SEMA3D: variants seen among roughly 807,000 people sequenced by gnomAD.
SEMA3D encodes the protein semaphorin 3D, also known as semaphorin-3D.
Under a neutral mutation model 100.1 loss-of-function variants are expected in SEMA3D, and 84 were observed. The ratio of observed to expected loss-of-function variants is 0.84; its 90% CI spans 0.70 to 1.01. The LOEUF is 1.01. Among genes scored for constraint, SEMA3D ranks in the 50% least tolerant of loss-of-function variants. The probability of loss-of-function intolerance (pLI) is 0.00; values close to 1 mark genes in which losing one functional copy is unlikely to be tolerated. For synonymous variants in SEMA3D, 312 were observed against 320.7 expected, an observed-to-expected ratio of 0.97 and a Z score of 0.29; for missense variants, 875 against 934.1, an observed-to-expected ratio of 0.94 and a Z score of 0.82.
intron 9 of SEMA3D, among the ~76,000 whole-genome samples, chr7:85,049,296 G>A (rs1583870290): frequency 6.6e-6 from 1 of 151,572 alleles, no homozygotes; most frequent in East Asian, 1.9e-4. Flanking sequence ...ATTTAGAGAC[G>A]ACTATTTGTG....
At chr7:85,145,716 T>C (rs1178669665) in intron 2 of SEMA3D, among the ~76,000 whole-genome samples, 1 of 152,118 alleles carries the variant, frequency 6.6e-6, no homozygotes, top group East Asian at 1.9e-4. Flanking sequence ...TATTCTCAAA[T>C]ACAAAAGTTT....
At chr7:85,221,198 C>T in the SEMA3D span, among the ~76,000 whole-genome samples, 1 of 151,752 alleles carries the variant, frequency 6.6e-6, no homozygotes, top group Non-Finnish European at 1.5e-5. Context: ...CAGTGTTTGC[C>T]TAAACAAGGG....
At chr7:85,147,299 G>A (rs1314863661) in intron 2 of SEMA3D, among the ~76,000 whole-genome samples, 1 of 151,220 alleles carries the variant, frequency 6.6e-6, no homozygotes, top group Non-Finnish European at 1.5e-5. Flanking sequence ...ACAGGTTTTC[G>A]CCATGTGGGC....
At chr7:85,164,404 A>C in intron 1 of SEMA3D, among the ~76,000 whole-genome samples, 1 of 152,154 alleles carries the variant, frequency 6.6e-6, no homozygotes, top group East Asian at 1.9e-4. Context: ...AATTTCTTAA[A>C]ATCTAAGCAG....
At chr7:85,106,229 T>G (rs1481623678) in intron 3 of SEMA3D, among the ~76,000 whole-genome samples, 2 of 152,080 alleles carry the variant, frequency 1.3e-5, no homozygotes, top group Non-Finnish European at 2.9e-5. Flanking sequence ...GCTTCATAGC[T>G]TCCTTCAAGT....
chr7:85,048,435 A>T (rs144188120), intron 9 of SEMA3D, among the ~76,000 whole-genome samples: 3 of 151,856 alleles, frequency 2.0e-5, no homozygotes, highest in African/African-American at 7.2e-5. Context: ...TGACCATGAC[A>T]TGGTAGAAAC....
chr7:85,222,717 G>C, the SEMA3D span, among the ~76,000 whole-genome samples: 10 of 152,066 alleles, frequency 6.6e-5, no homozygotes, highest in Non-Finnish European at 1.3e-4. Context: ...ACTGTACTAG[G>C]AGTTCATCAT....
intron 1 of SEMA3D, among the ~76,000 whole-genome samples, chr7:85,180,439 T>C (rs1427006268): frequency 6.6e-6 from 1 of 152,202 alleles, no homozygotes; most frequent in Non-Finnish European, 1.5e-5. Context: ...CATAGCAGTG[T>C]GAAAATGACT....
intron 8 of SEMA3D, among the ~76,000 whole-genome samples, chr7:85,059,679 T>C (rs1791420644): frequency 6.6e-6 from 1 of 152,078 alleles, no homozygotes; most frequent in Non-Finnish European, 1.5e-5. Context: ...GGAATACCAA[T>C]ATGAAGGAGA....
chr7:85,240,889 G>A, the SEMA3D span, among the ~76,000 whole-genome samples: 1 of 151,958 alleles, frequency 6.6e-6, no homozygotes, highest in Admixed American at 6.6e-5. Context: ...AACCCACAGA[G>A]TAGGAGAAAA....
chr7:85,016,920 G>A (rs1231104740), intron 15 of SEMA3D, among the ~76,000 whole-genome samples: 1 of 150,822 alleles, frequency 6.6e-6, no homozygotes, highest in Admixed American at 6.6e-5. Flanking sequence ...AAGCATCCAG[G>A]GGCTTTCATT....
intron 1 of SEMA3D, among the ~76,000 whole-genome samples, chr7:85,177,422 G>T (rs1201009496): frequency 6.6e-6 from 1 of 152,078 alleles, no homozygotes; most frequent in Non-Finnish European, 1.5e-5. Flanking sequence ...TGTGGTAGAT[G>T]TTATTGAGAT....
chr7:85,076,365 T>C (rs938228345), intron 5 of SEMA3D, among the ~76,000 whole-genome samples: 4 of 152,194 alleles, frequency 2.6e-5, no homozygotes, highest in African/African-American at 4.8e-5. Context: ...TATATATTCA[T>C]ACATATATAA....
At chr7:85,034,172 T>C (rs1180722176) in intron 12 of SEMA3D, among the ~76,000 whole-genome samples, 2 of 152,156 alleles carry the variant, frequency 1.3e-5, no homozygotes, top group Non-Finnish European at 2.9e-5. Flanking sequence ...TTATGATCAG[T>C]ATTAAGTAAG....
chr7:85,189,856 T>C (rs986063010), upstream of SEMA3D, among the ~76,000 whole-genome samples: 1 of 152,172 alleles, frequency 6.6e-6, no homozygotes, highest in Non-Finnish European at 1.5e-5. Flanking sequence ...TTAGGCAATA[T>C]GAAATACACT....
chr7:85,140,372 A>C, intron 2 of SEMA3D: 1 of 979,184 alleles, frequency 1.0e-6, no homozygotes, highest in Non-Finnish European at 1.2e-6. Context: ...CAGCCAGTAG[A>C]TGTTGGTAAA....
chr7:85,190,243 C>T (rs1791666704), upstream of SEMA3D, among the ~76,000 whole-genome samples: 1 of 152,170 alleles, frequency 6.6e-6, no homozygotes, highest in Non-Finnish European at 1.5e-5. Context: ...AGTTTATACA[C>T]AGAGGCAAAC....
intron 1 of SEMA3D, among the ~76,000 whole-genome samples, chr7:85,167,895 A>G (rs1394637130): frequency 2.0e-5 from 3 of 151,906 alleles, no homozygotes; most frequent in Admixed American, 6.6e-5. Flanking sequence ...TAAAAACATT[A>G]TCTTTCTCTT....
chr7:85,148,237 A>T (rs1790271383), intron 2 of SEMA3D, among the ~76,000 whole-genome samples: 1 of 152,190 alleles, frequency 6.6e-6, no homozygotes. Flanking sequence ...CCTCCCTGAG[A>T]TCTGTGAGAA....
Sources: gnomAD v4.1 joint callset for allele counts (sites outside exome capture counted in the v4.1 genomes callset) on GRCh38, gnomAD v4.1.1 for gene constraint, MANE v1.5 for transcripts, NCBI Gene and HGNC (gene_info 2026-07-23, HGNC 2026-07-21) for gene names.